The following PTPRM variants were observed in gnomAD, a reference collection of about 807,000 sequenced individuals.
The protein encoded by PTPRM is protein tyrosine phosphatase receptor type M, also known as receptor-type tyrosine-protein phosphatase mu.
A neutral mutation model predicts 186.7 loss-of-function variants in PTPRM; 47 were observed. The ratio of observed to expected loss-of-function variants is 0.25; its 90% CI spans 0.20 to 0.32. The LOEUF (loss-of-function observed/expected upper bound fraction) is 0.32, where lower values mean the gene tolerates loss of function less well. Among genes scored for constraint, PTPRM ranks in the 10% least tolerant of loss-of-function variants. The pLI is 1.00. For missense variants in PTPRM, 1,494 were observed against 1,865.0 expected (o/e 0.80, Z 3.66); for synonymous variants, 668 against 674.9 (o/e 0.99, Z 0.16).
intron 2 of PTPRM, among the ~76,000 whole-genome samples, chr18:7,875,391 T>A (rs1599216001): frequency 6.6e-6 from 1 of 150,464 alleles, no homozygotes; most frequent in Admixed American, 6.6e-5. Flanking sequence ...TAGCACAGTC[T>A]CAGCTCACTG....
chr18:7,732,050 T>C (rs887755973), intron 1 of PTPRM, among the ~76,000 whole-genome samples: 2 of 152,160 alleles, frequency 1.3e-5, no homozygotes, highest in African/African-American at 2.4e-5. Flanking sequence ...AAAACTTAGG[T>C]CTTTAGTTAG....
At chr18:8,402,599 A>G (rs1214564730) in intron 32 of PTPRM, among the ~76,000 whole-genome samples, 1 of 152,202 alleles carries the variant, frequency 6.6e-6, no homozygotes, top group African/African-American at 2.4e-5. Context: ...AAGGGATGGG[A>G]CCGTGTAGAT....
At chr18:8,092,467 A>G (rs1319168267) in intron 11 of PTPRM, among the ~76,000 whole-genome samples, 1 of 152,124 alleles carries the variant, frequency 6.6e-6, no homozygotes, top group Admixed American at 6.5e-5. Flanking sequence ...AGGCTAGAGT[A>G]TAGTGGTGCA....
At chr18:7,615,331 T>C (rs1229385870) in intron 1 of PTPRM, among the ~76,000 whole-genome samples, 1 of 152,140 alleles carries the variant, frequency 6.6e-6, no homozygotes, top group Non-Finnish European at 1.5e-5. Context: ...TTTTCAAGGA[T>C]CATGCTTAGT....
chr18:7,616,995 A>G (rs1177388333), intron 1 of PTPRM, among the ~76,000 whole-genome samples: 1 of 152,198 alleles, frequency 6.6e-6, no homozygotes. Flanking sequence ...ACAGAAGTAC[A>G]GAGAGGGAGG....
chr18:7,958,603 C>G (rs1423276187), intron 7 of PTPRM, among the ~76,000 whole-genome samples: 1 of 152,128 alleles, frequency 6.6e-6, no homozygotes, highest in Non-Finnish European at 1.5e-5. Flanking sequence ...CCTTGAAGAT[C>G]TCTTCAGTAT....
chr18:8,101,985 A>G (rs1259440805), intron 11 of PTPRM, among the ~76,000 whole-genome samples: 3 of 152,258 alleles, frequency 2.0e-5, no homozygotes, highest in Admixed American at 1.3e-4. Flanking sequence ...ACTGCAATAA[A>G]GTGAATATCA....
chr18:8,219,638 T>C (rs1660310028), intron 14 of PTPRM, among the ~76,000 whole-genome samples: 1 of 152,222 alleles, frequency 6.6e-6, no homozygotes, highest in Admixed American at 6.5e-5. Flanking sequence ...TTGATTAGTT[T>C]AGCCCATAAA....
chr18:7,994,978 A>G (rs1568151856), intron 7 of PTPRM, among the ~76,000 whole-genome samples: 1 of 152,146 alleles, frequency 6.6e-6, no homozygotes, highest in African/African-American at 2.4e-5. Flanking sequence ...TCAGAGCAGA[A>G]CTAAATGAAA....
At chr18:8,182,385 C>T (rs1478333137) in intron 14 of PTPRM, among the ~76,000 whole-genome samples, 3 of 152,080 alleles carry the variant, frequency 2.0e-5, no homozygotes, top group Non-Finnish European at 2.9e-5. Context: ...TCAAGACTCT[C>T]GTATATCTCA....
chr18:8,029,107 G>A (rs76563564), intron 7 of PTPRM, among the ~76,000 whole-genome samples: 4,819 of 152,228 alleles, frequency 0.032, 137 homozygotes, highest in Middle Eastern at 0.23. Flanking sequence ...CATTCATATG[G>A]GTTCTCTCAC....
intron 2 of PTPRM, among the ~76,000 whole-genome samples, chr18:7,792,651 G>GT (rs954451722): frequency 1.3e-5 from 2 of 151,946 alleles, no homozygotes; most frequent in African/African-American, 2.4e-5. Flanking sequence ...TAACAAAAGT[G>GT]TTTTTTTGTT....
chr18:8,241,563 C>T (rs945951648), intron 14 of PTPRM, among the ~76,000 whole-genome samples: 8 of 152,100 alleles, frequency 5.3e-5, no homozygotes, highest in African/African-American at 1.4e-4. Flanking sequence ...GATATAAAGT[C>T]GGGTCTAGTT....
At chr18:7,852,230 CTGTT>C (rs374834406) in intron 2 of PTPRM, among the ~76,000 whole-genome samples, 69 of 152,204 alleles carry the variant, frequency 4.5e-4, no homozygotes, top group African/African-American at 1.5e-3. Flanking sequence ...AGGAAAATGT[CTGTT>C]TGCTGCTTGC....
At chr18:8,073,957 G>A (rs1317138693) in intron 8 of PTPRM, among the ~76,000 whole-genome samples, 1 of 152,106 alleles carries the variant, frequency 6.6e-6, no homozygotes, top group Non-Finnish European at 1.5e-5. Flanking sequence ...TGAGGCAAAT[G>A]TGACCTAAAG....
At chr18:8,102,573 G>A (rs2091339801) in intron 11 of PTPRM, among the ~76,000 whole-genome samples, 1 of 149,768 alleles carries the variant, frequency 6.7e-6, no homozygotes, top group African/African-American at 2.5e-5. Flanking sequence ...GTGATCATGA[G>A]ATTGCAGCAA....
At chr18:7,887,148 G>A (rs1046110110) in intron 2 of PTPRM, among the ~76,000 whole-genome samples, 9 of 151,770 alleles carry the variant, frequency 5.9e-5, no homozygotes, top group Non-Finnish European at 1.0e-4. Flanking sequence ...GAATTTCAAC[G>A]CATTTTTTCT....
chr18:8,218,020 G>A (rs1055189255), intron 14 of PTPRM, among the ~76,000 whole-genome samples: 5 of 152,118 alleles, frequency 3.3e-5, no homozygotes, highest in Admixed American at 1.3e-4. Flanking sequence ...CTCCCAGCCC[G>A]TTCCCACATA....
intron 32 of PTPRM, among the ~76,000 whole-genome samples, chr18:8,395,689 A>G (rs2095842085): frequency 6.6e-6 from 1 of 152,104 alleles, no homozygotes; most frequent in Admixed American, 6.5e-5. Context: ...AGCTGTTAGC[A>G]TGTTGGCTTC....
Sources: gnomAD v4.1 joint callset for allele counts (sites outside exome capture counted in the v4.1 genomes callset) on GRCh38, gnomAD v4.1.1 for gene constraint, MANE v1.5 for transcripts, NCBI Gene and HGNC (gene_info 2026-07-23, HGNC 2026-07-21) for gene names.